TRPM2: variants seen among roughly 807,000 people sequenced by gnomAD.
The protein encoded by TRPM2 is estrogen-responsive element-associated gene 1 protein.
A neutral mutation model predicts 174.0 loss-of-function variants in TRPM2; 161 were observed. That is an observed-to-expected ratio of 0.93 (90% CI 0.81 to 1.05). The LOEUF is 1.05. Among genes scored for constraint, TRPM2 ranks in the 50% least tolerant of loss-of-function variants. TRPM2 has a pLI of 0.00. For synonymous variants in TRPM2, 954 were observed against 861.3 expected, an observed-to-expected ratio of 1.11 and a Z score of -1.88; for missense variants, 2,057 against 2,038.0, an observed-to-expected ratio of 1.01 and a Z score of -0.18.
chr21:44,435,103 G>A, intron 27 of TRPM2, 28 bp from the exon 28 acceptor site: 1 of 1,604,640 alleles, frequency 6.2e-7, no homozygotes, highest in Non-Finnish European at 8.5e-7. Flanking sequence ...GGTGGACGGT[G>A]GACTGACTCA....
At chr21:44,389,779 G>A (rs549201337) in intron 9 of TRPM2, among the ~76,000 whole-genome samples, 7 of 151,864 alleles carry the variant, frequency 4.6e-5, no homozygotes, top group Non-Finnish European at 7.4e-5. Flanking sequence ...TTATATATTC[G>A]GATACAAATC....
rs55701484 is a variant in TRPM2 at position 44,369,452 on chromosome 21, C to T, written c.771+109C>T. 292 of 1,194,182 alleles carry T rather than the reference C, an allele frequency of 2.4e-4. 2 individuals are homozygous for T. The African/African-American group carries it at 6.1e-3, about 25-fold the overall frequency. The allele number at this position is 1,194,182 out of a possible 1,614,324, so 74.0% of individuals were successfully genotyped here. ...TGTACGGGGGCCGGGGTGTGGGTGA[C>T]GTCTGACCGGGCGCTGTGGGGAGCA... On this transcript the variant is annotated intron_variant, in intron 5 of 31. Transcript: ENST00000397928.
At chr21:44,417,869 G>T in intron 20 of TRPM2, 58 bp from the exon 21 acceptor site, 1 of 1,551,252 alleles carries the variant, frequency 6.4e-7, no homozygotes. Context: ...GGCGGTGAGA[G>T]GGGTCTGTTC....
intron 23 of TRPM2, 147 bp from the exon 24 acceptor site, chr21:44,424,705 A>G: frequency 1.9e-6 from 1 of 521,752 alleles, no homozygotes. Context: ...CCTGGGGAGG[A>G]CGTGGTGTCT....
intron 22 of TRPM2, among the ~76,000 whole-genome samples, chr21:44,420,101 C>T (rs2050497158): frequency 6.6e-6 from 1 of 152,140 alleles, no homozygotes; most frequent in African/African-American, 2.4e-5. Flanking sequence ...GAACTAGATA[C>T]ACGTGTCCTG....
chr21:44,424,713 T>G (rs1601232365), intron 23 of TRPM2, 139 bp from the exon 24 acceptor site: 1 of 536,682 alleles, frequency 1.9e-6, no homozygotes, highest in Non-Finnish European at 3.2e-6. Flanking sequence ...GGACGTGGTG[T>G]CTCACTTTCA....
intron 4 of TRPM2, among the ~76,000 whole-genome samples, chr21:44,368,906 G>C (rs1241819768): frequency 6.6e-6 from 1 of 152,206 alleles, no homozygotes; most frequent in Non-Finnish European, 1.5e-5. Flanking sequence ...AGAATGCAGA[G>C]AGGTGCTGAG....
At chr21:44,370,895 C>T (rs953543724) in intron 5 of TRPM2, among the ~76,000 whole-genome samples, 5 of 152,100 alleles carry the variant, frequency 3.3e-5, no homozygotes, top group African/African-American at 4.8e-5. Context: ...CTGTTGGTGG[C>T]GGAATGGGAC....
chr21:44,440,740 C>T, intron 30 of TRPM2, 49 bp from the exon 31 acceptor site: 2 of 1,548,350 alleles, frequency 1.3e-6, no homozygotes, highest in Non-Finnish European at 1.8e-6. Flanking sequence ...GGCCGGGGCA[C>T]CGCTCAGGTG....
At chr21:44,400,002 G>A (rs2049561409) in intron 14 of TRPM2, among the ~76,000 whole-genome samples, 1 of 152,210 alleles carries the variant, frequency 6.6e-6, no homozygotes, top group Non-Finnish European at 1.5e-5. Context: ...GAGCTCAGAG[G>A]GGCCAGTGCT....
At chr21:44,436,923 A>G in intron 28 of TRPM2, 139 bp from the exon 29 acceptor site, 1 of 662,160 alleles carries the variant, frequency 1.5e-6, no homozygotes, top group South Asian at 1.9e-5. Context: ...CTGGGGATGA[A>G]GAACTTGAAA....
In TRPM2 at chr21:44,394,284, C is replaced by G. The variant is rs751542719; in HGVS notation, c.1795-1130C>G. ...GTCCAAAGCAGAATCTCAAGCTTATCTGTACCTGTGGTTTAGGAAGAAAAA... is the reference window on the plus strand; with the variant it reads ...GTCCAAAGCAGAATCTCAAGCTTATGTGTACCTGTGGTTTAGGAAGAAAAA... On this transcript the variant is annotated intron_variant, in intron 11 of 31. Transcript: ENST00000397928. Among the ~76,000 whole-genome samples the G allele has an allele frequency of 5.2e-4, 76 of 147,192 alleles. 1 individual carries two copies. The highest frequency in any genetic ancestry group is 1.0e-3 in the Non-Finnish European group (68 of 66,604).
chr21:44,360,407 C>G (rs1036687352), intron 2 of TRPM2, among the ~76,000 whole-genome samples: 16 of 152,040 alleles, frequency 1.1e-4, no homozygotes, highest in African/African-American at 3.9e-4. Context: ...TTTGTGTGTG[C>G]TTTTAACTTT....
upstream of TRPM2, among the ~76,000 whole-genome samples, chr21:44,351,183 C>T (rs764243964): frequency 6.6e-6 from 1 of 152,208 alleles, no homozygotes; most frequent in Admixed American, 6.5e-5. Flanking sequence ...ACACCAGGAT[C>T]CTCTCGAGTC....
chr21:44,369,166 T>C lies in TRPM2; in HGVS notation c.605-11T>C. 1 of 1,595,430 alleles carries C rather than the reference T, an allele frequency of 6.3e-7. No individual in the cohort carries two copies. Among genetic ancestry groups the C allele is most frequent in the Non-Finnish European group, 8.5e-7 (1 of 1,169,912 alleles). The stretch of plus-strand genomic sequence containing the variant: ...TGCTGTGGGGCCTGCCCACCCGTGC[T>C]CCTTCCCCAGGGGCCTGGATCATCA... On this transcript the variant is annotated splice_polypyrimidine_tract_variant and intron_variant, in intron 4 of 31. Transcript: ENST00000397928.
rs2051424815 is a variant in TRPM2, at chr21:44,439,834, G to T, written c.4269+666G>T. 1.3e-5 allele frequency among the ~76,000 whole-genome samples: 2 copies of T among 152,082 alleles called. No homozygotes were observed. Among genetic ancestry groups the T allele is most frequent in the African/African-American group, 4.8e-5 (2 of 41,418 alleles). On this transcript the variant is annotated intron_variant, in intron 30 of 31. Coordinates refer to ENST00000397928, the MANE Select transcript of TRPM2 (RefSeq NM_003307.4). This position sits in a 1 kb window ranked among gnomAD's most constrained non-coding sequence, Gnocchi z 5.1. ...CCTCCCGGGCTCAAGCAATGCTCTT[G>T]CCTTGGCCTCCCAGGCAGCAGGGGC... is the stretch of plus-strand genomic sequence containing the variant.
chr21:44,404,230 C>T (rs182615774), intron 16 of TRPM2, among the ~76,000 whole-genome samples: 89 of 152,122 alleles, frequency 5.9e-4, no homozygotes, highest in African/African-American at 2.1e-3. Flanking sequence ...GATACACATA[C>T]ACATGCACAC....
At position 44,408,031 on chromosome 21, in the gene TRPM2, C is replaced by T. The variant is rs2049965077; in HGVS notation, c.2962+1266C>T. ...CACAATCTTGGCTCACTGCGACCTCCACCTCCTGGGTTCAAGCAATTCTCC... is the reference window on the plus strand; with the variant it reads ...CACAATCTTGGCTCACTGCGACCTCTACCTCCTGGGTTCAAGCAATTCTCC... On this transcript the variant is annotated intron_variant, in intron 19 of 31. Transcript: ENST00000397928. 2.0e-5 allele frequency among the ~76,000 whole-genome samples: 3 copies of T among 151,976 alleles called. No individual in the cohort carries two copies. In the East Asian group the frequency reaches 5.8e-4, roughly 29 times the overall value.
chr21:44,387,324 A>G (rs2049042947), intron 9 of TRPM2, among the ~76,000 whole-genome samples: 3 of 152,226 alleles, frequency 2.0e-5, no homozygotes, highest in African/African-American at 7.2e-5. Flanking sequence ...TTTTCAACAA[A>G]TGATGCTGGA....
Sources: gnomAD v4.1 joint callset for allele counts (sites outside exome capture counted in the v4.1 genomes callset) on GRCh38, gnomAD v4.1.1 for gene constraint, Gnocchi (gnomAD v3.1) non-coding constraint, MANE v1.5 for transcripts, NCBI Gene and HGNC (gene_info 2026-07-23, HGNC 2026-07-21) for gene names.